The following LRRTM4 variants were observed in gnomAD, a reference collection of about 807,000 sequenced individuals.
LRRTM4 encodes the protein leucine-rich repeat transmembrane neuronal protein 4.
Under a neutral mutation model 47.6 loss-of-function variants are expected in LRRTM4, and 25 were observed. That is an observed-to-expected ratio of 0.53 (90% CI 0.38 to 0.73). The LOEUF is 0.73. Among genes scored for constraint, LRRTM4 ranks in the 30% least tolerant of loss-of-function variants. LRRTM4 has a pLI of 0.00. For synonymous variants in LRRTM4, 311 were observed against 269.5 expected (o/e 1.15, Z -1.51); for missense variants, 638 against 713.4 (o/e 0.89, Z 1.20).
chr2:77,404,869 G>C (rs1229933052), intron 3 of LRRTM4, among the ~76,000 whole-genome samples: 1 of 152,186 alleles, frequency 6.6e-6, no homozygotes, highest in East Asian at 1.9e-4. Context: ...GCTGCATAGA[G>C]TAAAAGTTTT....
At chr2:77,217,804 G>T (rs914629231) in intron 3 of LRRTM4, among the ~76,000 whole-genome samples, 8 of 151,854 alleles carry the variant, frequency 5.3e-5, no homozygotes, top group Admixed American at 2.6e-4. Flanking sequence ...CTTTACTCTT[G>T]ATTGTACTGA....
At chr2:77,091,480 C>T (rs906694432) in intron 3 of LRRTM4, among the ~76,000 whole-genome samples, 55 of 150,748 alleles carry the variant, frequency 3.6e-4, no homozygotes, top group South Asian at 6.3e-4. Context: ...AGTCCTAAAA[C>T]CAGACAAGCC....
intron 3 of LRRTM4, among the ~76,000 whole-genome samples, chr2:76,775,446 G>A (rs915590564): frequency 6.6e-6 from 1 of 152,162 alleles, no homozygotes; most frequent in Non-Finnish European, 1.5e-5. Context: ...GGGCAGCCAG[G>A]GGCATTGTTC....
intron 3 of LRRTM4, among the ~76,000 whole-genome samples, chr2:77,334,017 A>G (rs1671068776): frequency 1.3e-5 from 2 of 152,182 alleles, no homozygotes; most frequent in South Asian, 4.1e-4. Context: ...GAGCTTTAAT[A>G]TTTAACTGCC....
intron 3 of LRRTM4, among the ~76,000 whole-genome samples, chr2:77,125,798 T>A (rs1229987264): frequency 6.6e-6 from 1 of 151,882 alleles, no homozygotes; most frequent in Non-Finnish European, 1.5e-5. Context: ...TCATAAAAAT[T>A]TCATTTGAAG....
chr2:77,158,482 A>G (rs1175637436), intron 3 of LRRTM4, among the ~76,000 whole-genome samples: 2 of 152,196 alleles, frequency 1.3e-5, no homozygotes, highest in Non-Finnish European at 2.9e-5. Context: ...TGTATCAAAC[A>G]GTGACAGCAC....
At chr2:77,359,800 G>A (rs17014024) in intron 3 of LRRTM4, among the ~76,000 whole-genome samples, 8,003 of 152,130 alleles carry the variant, frequency 0.053, 259 homozygotes, top group Middle Eastern at 0.068. Flanking sequence ...TGTGAATTAA[G>A]GGAGACACAG....
intron 3 of LRRTM4, among the ~76,000 whole-genome samples, chr2:76,926,761 C>A (rs1674601346): frequency 6.6e-6 from 1 of 152,076 alleles, no homozygotes; most frequent in African/African-American, 2.4e-5. Flanking sequence ...GACTTTCTAG[C>A]CTCCAGAACT....
intron 3 of LRRTM4, among the ~76,000 whole-genome samples, chr2:77,153,843 G>T (rs746144686): frequency 6.6e-6 from 1 of 152,118 alleles, no homozygotes; most frequent in African/African-American, 2.4e-5. Context: ...TTTAAAGAGT[G>T]TAACTTTTGT....
At chr2:77,100,420 G>A (rs557301534) in intron 3 of LRRTM4, among the ~76,000 whole-genome samples, 14 of 152,228 alleles carry the variant, frequency 9.2e-5, no homozygotes, top group African/African-American at 3.1e-4. Flanking sequence ...CATTGCCTCC[G>A]AGTTGAATCA....
intron 3 of LRRTM4, among the ~76,000 whole-genome samples, chr2:76,888,840 T>C (rs980672349): frequency 6.6e-6 from 1 of 151,934 alleles, no homozygotes; most frequent in Non-Finnish European, 1.5e-5. Context: ...GAACTGTTAA[T>C]TAAGCCAGTA....
At chr2:76,921,040 A>G (rs147690020) in intron 3 of LRRTM4, among the ~76,000 whole-genome samples, 2 of 152,194 alleles carry the variant, frequency 1.3e-5, no homozygotes, top group African/African-American at 4.8e-5. Flanking sequence ...CAGCCTTGGT[A>G]CATTATTATG....
At chr2:76,812,920 C>G (rs1189127659) in intron 3 of LRRTM4, among the ~76,000 whole-genome samples, 1 of 151,292 alleles carries the variant, frequency 6.6e-6, no homozygotes, top group Non-Finnish European at 1.5e-5. Flanking sequence ...TAGGATTTTT[C>G]CAAGTCAGAT....
At chr2:76,801,306 C>T (rs921323481) in intron 3 of LRRTM4, among the ~76,000 whole-genome samples, 1 of 151,990 alleles carries the variant, frequency 6.6e-6, no homozygotes, top group Non-Finnish European at 1.5e-5. Flanking sequence ...AAATGTGGCA[C>T]ATATACACCA....
chr2:76,995,946 G>A (rs1284098785), intron 3 of LRRTM4, among the ~76,000 whole-genome samples: 1 of 151,970 alleles, frequency 6.6e-6, no homozygotes, highest in Non-Finnish European at 1.5e-5. Context: ...AAAAAACTCA[G>A]GGAGAAATAA....
chr2:77,199,024 T>A (rs1673904492), intron 3 of LRRTM4, among the ~76,000 whole-genome samples: 1 of 152,178 alleles, frequency 6.6e-6, no homozygotes, highest in South Asian at 2.1e-4. Context: ...TTCCTCTGTG[T>A]CCTTGGTATC....
At chr2:77,062,541 C>T (rs983281687) in intron 3 of LRRTM4, among the ~76,000 whole-genome samples, 1 of 152,116 alleles carries the variant, frequency 6.6e-6, no homozygotes, top group Non-Finnish European at 1.5e-5. Flanking sequence ...ACTCCACAAA[C>T]CCTTATCTGG....
chr2:77,031,396 C>T (rs1168877620), intron 3 of LRRTM4, among the ~76,000 whole-genome samples: 1 of 152,100 alleles, frequency 6.6e-6, no homozygotes. Flanking sequence ...TTTACTATAA[C>T]ATCTGAGGTG....
chr2:77,019,617 C>T (rs892960496), intron 3 of LRRTM4, among the ~76,000 whole-genome samples: 2 of 152,106 alleles, frequency 1.3e-5, no homozygotes, highest in Non-Finnish European at 1.5e-5. Context: ...GTATTATTAA[C>T]ACTGCTAACC....
Sources: gnomAD v4.1 joint callset for allele counts (sites outside exome capture counted in the v4.1 genomes callset) on GRCh38, gnomAD v4.1.1 for gene constraint, MANE v1.5 for transcripts, NCBI Gene and HGNC (gene_info 2026-07-23, HGNC 2026-07-21) for gene names.